The following BRD10 variants were observed in gnomAD, a reference collection of about 807,000 sequenced individuals.
BRD10 encodes the protein uncharacterized bromodomain-containing protein 10.
the BRD10 span, among the ~76,000 whole-genome samples, chr9:5,982,628 A>C: frequency 6.6e-6 from 1 of 152,180 alleles, no homozygotes; most frequent in Non-Finnish European, 1.5e-5. Flanking sequence ...TGACTACCAG[A>C]TGTACTCCCT....
At chr9:5,960,748 C>T in the BRD10 span, among the ~76,000 whole-genome samples, 2 of 151,728 alleles carry the variant, frequency 1.3e-5, no homozygotes, top group East Asian at 3.9e-4. Context: ...ATTTCTAATT[C>T]ATTTTCGCCA....
At chr9:5,973,229 G>C in the BRD10 span, among the ~76,000 whole-genome samples, 1 of 152,330 alleles carries the variant, frequency 6.6e-6, no homozygotes, top group African/African-American at 2.4e-5. Flanking sequence ...CACTTTGGGA[G>C]GCCAAGGCAG....
the BRD10 span, chr9:5,921,128 T>G: frequency 6.2e-7 from 1 of 1,613,930 alleles, no homozygotes; most frequent in East Asian, 2.2e-5. Flanking sequence ...TGGAACTGAA[T>G]TACCACTTGT....
chr9:5,969,042 G>C, the BRD10 span: 3 of 1,612,478 alleles, frequency 1.9e-6, no homozygotes, highest in Admixed American at 5.0e-5. Flanking sequence ...CACAACCCCA[G>C]TTTTTCAGCA....
At chr9:5,903,405 G>C in the BRD10 span, among the ~76,000 whole-genome samples, 1 of 152,116 alleles carries the variant, frequency 6.6e-6, no homozygotes, top group Admixed American at 6.6e-5. Flanking sequence ...TGTTAGGTTT[G>C]ATTTGCTAAT....
chr9:5,995,595 C>G, the BRD10 span, among the ~76,000 whole-genome samples: 1 of 152,102 alleles, frequency 6.6e-6, no homozygotes, highest in African/African-American at 2.4e-5. Flanking sequence ...TGGAGCTACT[C>G]CACTGAAATC....
the BRD10 span, among the ~76,000 whole-genome samples, chr9:5,997,790 C>T: frequency 6.6e-6 from 1 of 152,176 alleles, no homozygotes; most frequent in African/African-American, 2.4e-5. Context: ...ATTAACTAAG[C>T]ACTTATAGGT....
the BRD10 span, among the ~76,000 whole-genome samples, chr9:5,979,987 C>T: frequency 6.9e-6 from 1 of 144,204 alleles, no homozygotes; most frequent in East Asian, 2.0e-4. Context: ...TGCACTACAG[C>T]CTGGGCAACA....
the BRD10 span, among the ~76,000 whole-genome samples, chr9:6,002,106 G>A: frequency 6.6e-6 from 1 of 152,168 alleles, no homozygotes; most frequent in African/African-American, 2.4e-5. Flanking sequence ...ACACGTTTGA[G>A]ACTCATGGTT....
the BRD10 span, among the ~76,000 whole-genome samples, chr9:5,956,235 T>A: frequency 2.6e-5 from 4 of 152,170 alleles, no homozygotes; most frequent in Non-Finnish European, 5.9e-5. Context: ...ACACAGGTAC[T>A]AAATTCTCAG....
At chr9:5,944,103 T>G in the BRD10 span, among the ~76,000 whole-genome samples, 2 of 152,160 alleles carry the variant, frequency 1.3e-5, no homozygotes, top group African/African-American at 4.8e-5. Flanking sequence ...TTCATGATAT[T>G]CCTAAGGCGC....
chr9:5,918,900 G>A, the BRD10 span: 4 of 151,676 alleles, frequency 2.6e-5, no homozygotes, highest in Admixed American at 2.6e-4. Context: ...ATGTACAAGT[G>A]CTAGCTCTAA....
At chr9:5,963,247 C>T in the BRD10 span, among the ~76,000 whole-genome samples, 2 of 10,038 alleles carry the variant, frequency 2.0e-4, 1 homozygote, top group East Asian at 8.0e-4. Flanking sequence ...AAATCACAAG[C>T]ATTCTTATAC....
At chr9:5,975,685 T>C in the BRD10 span, among the ~76,000 whole-genome samples, 1 of 151,984 alleles carries the variant, frequency 6.6e-6, no homozygotes, top group Non-Finnish European at 1.5e-5. Flanking sequence ...AGAGAAACTG[T>C]CCAAACTGAA....
chr9:5,994,173 A>T, the BRD10 span, among the ~76,000 whole-genome samples: 1 of 152,138 alleles, frequency 6.6e-6, no homozygotes, highest in African/African-American at 2.4e-5. Context: ...ACCATCAATA[A>T]TGTTAAAAAA....
chr9:5,972,179 G>T, the BRD10 span, among the ~76,000 whole-genome samples: 1 of 151,972 alleles, frequency 6.6e-6, no homozygotes, highest in African/African-American at 2.4e-5. Context: ...AAACATAAAA[G>T]GAATTAAGAT....
At chr9:6,007,822 G>C in the BRD10 span, 2 of 1,423,640 alleles carry the variant, frequency 1.4e-6, no homozygotes, top group Admixed American at 3.1e-5. Flanking sequence ...GTGTGGAACA[G>C]CCGCTCGAGG....
the BRD10 span, among the ~76,000 whole-genome samples, chr9:5,932,853 A>G: frequency 2.0e-5 from 3 of 152,212 alleles, no homozygotes; most frequent in Non-Finnish European, 4.4e-5. Context: ...CTATATTTAC[A>G]TGTAGGTATC....
At chr9:5,992,741 T>C in the BRD10 span, among the ~76,000 whole-genome samples, 1 of 151,972 alleles carries the variant, frequency 6.6e-6, no homozygotes, top group Non-Finnish European at 1.5e-5. Context: ...ACACAAAGCA[T>C]GTAAAGTCTT....
Sources: allele counts gnomAD v4.1 joint callset (sites outside exome capture counted in the v4.1 genomes callset), GRCh38; gene constraint gnomAD v4.1.1; transcripts MANE v1.5; gene names NCBI Gene and HGNC (gene_info 2026-07-23, HGNC 2026-07-21).